The following DENND10 variants were observed in gnomAD, a reference collection of about 807,000 sequenced individuals.
DENND10 encodes the protein DENN domain-containing protein 10.
DENND10 carries 24 observed loss-of-function variants against 43.6 expected under a neutral mutation model. The ratio of observed to expected loss-of-function variants is 0.55; its 90% CI spans 0.40 to 0.77. DENND10 has a LOEUF of 0.77. Ranked by LOEUF, DENND10 falls within the 30% of genes least tolerant of loss-of-function variation. The pLI, the probability that DENND10 is intolerant of heterozygous loss-of-function variation, is 0.00. For synonymous variants in DENND10, 125 were observed against 157.6 expected (o/e 0.79, Z 1.55); for missense variants, 303 against 429.9 (o/e 0.70, Z 2.61).
intron 2 of DENND10, among the ~76,000 whole-genome samples, chr10:119,110,510 T>C (rs1844925200): frequency 1.3e-5 from 2 of 151,986 alleles, no homozygotes; most frequent in Admixed American, 1.3e-4. Flanking sequence ...CAGCCTGGAG[T>C]GCAGGGACAA....
chr10:119,113,892 G>C (rs905720921), intron 3 of DENND10, among the ~76,000 whole-genome samples: 28 of 152,098 alleles, frequency 1.8e-4, no homozygotes, highest in African/African-American at 6.0e-4. Context: ...TTACACAAAG[G>C]GAGATTATTA....
chr10:119,133,969 G>A (rs1042815135), intron 8 of DENND10: 1 of 152,228 alleles, frequency 6.6e-6, no homozygotes, highest in Admixed American at 6.5e-5. Flanking sequence ...AAGTGAAAGT[G>A]CTGGGAATGC....
intron 4 of DENND10, among the ~76,000 whole-genome samples, chr10:119,118,673 T>G (rs1845410484): frequency 6.7e-6 from 1 of 149,178 alleles, no homozygotes; most frequent in Admixed American, 6.7e-5. Context: ...GTTAATAGAC[T>G]TTTTTTTTTC....
chr10:119,119,826 A>T (rs2133490959), intron 4 of DENND10, among the ~76,000 whole-genome samples: 1 of 151,440 alleles, frequency 6.6e-6, no homozygotes, highest in African/African-American at 2.4e-5. Flanking sequence ...TCCTCTATGC[A>T]TCCCATCATA....
chr10:119,126,071 G>A (rs540984573), intron 6 of DENND10, among the ~76,000 whole-genome samples: 9 of 152,072 alleles, frequency 5.9e-5, no homozygotes, highest in African/African-American at 1.7e-4. Flanking sequence ...CTTTCTGTCC[G>A]TGGCTTCTTT....
intron 1 of DENND10, 76 bp from the exon 2 acceptor site, chr10:119,107,892 G>T: frequency 3.0e-6 from 4 of 1,330,858 alleles, no homozygotes; most frequent in Non-Finnish European, 4.3e-6. Flanking sequence ...ATTCCACTAA[G>T]TGTTTCTGAG....
At chr10:119,112,997 G>A (rs1209825285) in intron 3 of DENND10, among the ~76,000 whole-genome samples, 1 of 151,684 alleles carries the variant, frequency 6.6e-6, no homozygotes, top group Non-Finnish European at 1.5e-5. Context: ...TTACAGGTGG[G>A]TGCCACCACG....
At chr10:119,123,772 T>C (rs1390638278) in intron 6 of DENND10, among the ~76,000 whole-genome samples, 1 of 152,022 alleles carries the variant, frequency 6.6e-6, no homozygotes, top group African/African-American at 2.4e-5. Context: ...CTAATTTTAT[T>C]CCACTTTAAA....
chr10:119,116,226 G>A (rs747272306), intron 3 of DENND10, among the ~76,000 whole-genome samples: 1 of 152,184 alleles, frequency 6.6e-6, no homozygotes, highest in Non-Finnish European at 1.5e-5. Flanking sequence ...CCACATGTGA[G>A]CTATAAATGC....
At chr10:119,126,892 T>C (rs904478267) in intron 6 of DENND10, among the ~76,000 whole-genome samples, 65 of 150,938 alleles carry the variant, frequency 4.3e-4, no homozygotes, top group African/African-American at 1.3e-3. Context: ...TTTCTTTCTC[T>C]TTTTCTTTTC....
intron 6 of DENND10, among the ~76,000 whole-genome samples, chr10:119,126,938 G>A (rs192456437): frequency 0.011 from 1,602 of 145,168 alleles, 46 homozygotes; most frequent in Admixed American, 0.055. Context: ...TTGCTCTGTC[G>A]CCCAGGCTGG....
chr10:119,106,005 C>T (rs1180551186), intron 1 of DENND10, among the ~76,000 whole-genome samples: 3 of 152,054 alleles, frequency 2.0e-5, no homozygotes, highest in African/African-American at 7.2e-5. Flanking sequence ...TCAGCCTGGC[C>T]AATATAGCGA....
Position 119,115,382 on chromosome 10 carries a change from A to ATTTTTTTTTTTTTTTTT in DENND10, c.333-2130_333-2114dup, listed in dbSNP as rs397845392. Among the ~76,000 whole-genome samples, 83 of 48,406 alleles carry ATTTTTTTTTTTTTTTTT rather than the reference A, an allele frequency of 1.7e-3. 12 individuals carry two copies. The highest frequency in any genetic ancestry group is 4.0e-3 in the South Asian group (3 of 744). 31.8% of individuals were successfully genotyped at this position (48,406 alleles called of 152,430 possible). On this transcript the variant is annotated intron_variant, in intron 3 of 8. Transcript: ENST00000361432. ...CGTCAAGTTGTGAATTGAATTGGTA[A>ATTTTTTTTTTTTTTTTT]TTTTTTTTTTTTTTTTTTTTTTTGA...
chr10:119,123,445 T>G (rs531380143), intron 5 of DENND10, 24 bp from the exon 6 acceptor site: 380 of 1,563,208 alleles, frequency 2.4e-4, no homozygotes, highest in Non-Finnish European at 3.0e-4. Context: ...AGCAACAACT[T>G]GAGTTCTTGC....
Position 119,118,937 on chromosome 10 carries a change from A to G in DENND10, c.481+1270A>G, listed in dbSNP as rs191440429. Among the ~76,000 whole-genome samples, 482 of 144,454 alleles carry G rather than the reference A, an allele frequency of 3.3e-3. 1 individual carries two copies. Among genetic ancestry groups the G allele is most frequent in the Non-Finnish European group, 3.9e-3 (264 of 66,850 alleles). The allele number at this position is 144,454 out of a possible 152,430, so 94.8% of individuals were successfully genotyped here. ...CAGCTCACTGCAACCTTTGCCTCCC[A>G]GGTTCAAGTGATTCTCGTGCCTCAG... On this transcript the variant is annotated intron_variant, in intron 4 of 8. Transcript: ENST00000361432.
At chr10:119,135,769 A>G (rs937150799) in intron 8 of DENND10, among the ~76,000 whole-genome samples, 4 of 142,590 alleles carry the variant, frequency 2.8e-5, no homozygotes, top group Non-Finnish European at 6.1e-5. Context: ...TGAATTATAC[A>G]CTCAGAAAAT....
In DENND10 at chr10:119,136,675, C is replaced by CTGAT. The variant is rs545697699; in HGVS notation, c.*29_*32dup. The CTGAT allele has an allele frequency of 4.3e-4, 518 of 1,209,194 alleles. 2 individuals carry two copies. In the African/African-American group the frequency reaches 7.0e-3, roughly 16 times the overall value. 74.9% of individuals were successfully genotyped at this position (1,209,194 alleles called of 1,614,324 possible). A position where few individuals can be genotyped will look rare whatever the true frequency, so the allele number is the denominator to read the frequency against. On this transcript the variant is annotated 3_prime_UTR_variant, in exon 9 of 9. Transcript: ENST00000361432. ...GTGTGACAGAACGTATCACTGATGA[C>CTGAT]TGATAGAAAGCCCTCTTTCACTCTG...
In DENND10 at chr10:119,117,633, T is replaced by C; in HGVS notation, c.447T>C (p.Asp149=). 6.2e-7 allele frequency: 1 copy of C among 1,614,022 alleles called. No individual in the cohort carries two copies. Among genetic ancestry groups the C allele is most frequent in the South Asian group, 1.1e-5 (1 of 91,076 alleles). Residue 149 remains aspartate (D), a synonymous_variant, in exon 4 of 9, where the codon GAT becomes GAC. Coordinates refer to ENST00000361432, the MANE Select transcript of DENND10 (RefSeq NM_207009.4). ...ENGSFLSKDF[D]ARKAYLAGSI... is the part of the protein sequence containing the mutation. ...GCTCTTTCCTTAGTAAGGATTTTGA[T>C]GCCCGAAAGGCCTACCTGGCTGGCT...
intron 7 of DENND10, among the ~76,000 whole-genome samples, chr10:119,130,567 G>A (rs1846035761): frequency 6.6e-6 from 1 of 152,182 alleles, no homozygotes; most frequent in African/African-American, 2.4e-5. Flanking sequence ...CAAAGTGCTG[G>A]GGTTACAGGC....
Sources: gnomAD v4.1 joint callset for allele counts (sites outside exome capture counted in the v4.1 genomes callset) on GRCh38, gnomAD v4.1.1 for gene constraint, MANE v1.5 for transcripts, NCBI Gene and HGNC (gene_info 2026-07-23, HGNC 2026-07-21) for gene names.